Variants in PDLIM5 observed in about 807,000 individuals in gnomAD.
The protein encoded by PDLIM5 is PDZ and LIM domain protein 5.
In PDLIM5, 34 loss-of-function variants were observed where a neutral mutation model predicts 64.2. That is an observed-to-expected ratio of 0.53 (90% confidence interval 0.40 to 0.71). PDLIM5 has a LOEUF of 0.71. PDLIM5 is among the 30% of genes least tolerant of loss of function. PDLIM5 has a pLI of 0.00. For missense variants in PDLIM5, 683 were observed against 733.6 expected (o/e 0.93, Z 0.80); for synonymous variants, 253 against 269.1 (o/e 0.94, Z 0.59).
At chr4:94,644,682 C>T (rs546763791) in intron 9 of PDLIM5, among the ~76,000 whole-genome samples, 2 of 152,216 alleles carry the variant, frequency 1.3e-5, no homozygotes, top group East Asian at 3.9e-4. Flanking sequence ...GCCAGGACTA[C>T]AGGCACCTGC....
intron 3 of PDLIM5, among the ~76,000 whole-genome samples, chr4:94,539,005 T>C (rs1443262092): frequency 6.6e-6 from 1 of 152,154 alleles, no homozygotes; most frequent in Non-Finnish European, 1.5e-5. Context: ...AGGACAGTGA[T>C]AAAGTTTGCT....
At chr4:94,659,917 G>A (rs185891657) in intron 11 of PDLIM5, among the ~76,000 whole-genome samples, 1,700 of 136,604 alleles carry the variant, frequency 0.012, 34 homozygotes, top group African/African-American at 0.044. Flanking sequence ...TTTTTTTTGA[G>A]ATGGAGTCTC....
chr4:94,587,035 C>T (rs1460554417), intron 7 of PDLIM5: 6 of 1,591,392 alleles, frequency 3.8e-6, no homozygotes, highest in Non-Finnish European at 5.1e-6. Context: ...CACAAAATTA[C>T]GTGACTGGCA....
intron 2 of PDLIM5, chr4:94,457,145 G>T (rs969442537): frequency 6.3e-6 from 6 of 955,446 alleles, no homozygotes; most frequent in Non-Finnish European, 6.2e-6. Flanking sequence ...AAATAAGTTT[G>T]TAACGCCTAA....
intron 2 of PDLIM5, among the ~76,000 whole-genome samples, chr4:94,506,492 C>T (rs1037930451): frequency 1.3e-5 from 2 of 152,158 alleles, no homozygotes; most frequent in Admixed American, 1.3e-4. Flanking sequence ...CTGTGCCTCA[C>T]ATGGAGGAAG....
chr4:94,568,475 T>A (rs1323610991), intron 3 of PDLIM5, among the ~76,000 whole-genome samples: 1 of 152,232 alleles, frequency 6.6e-6, no homozygotes, highest in Non-Finnish European at 1.5e-5. Context: ...ACTCTTAAAT[T>A]TGAAATTTCT....
At chr4:94,642,400 C>T (rs528399950) in intron 9 of PDLIM5, among the ~76,000 whole-genome samples, 1 of 152,266 alleles carries the variant, frequency 6.6e-6, no homozygotes, top group African/African-American at 2.4e-5. Context: ...AATTACATTT[C>T]ACCACCCCTA....
intron 8 of PDLIM5, among the ~76,000 whole-genome samples, chr4:94,627,798 G>A (rs1335463351): frequency 6.6e-6 from 1 of 152,180 alleles, no homozygotes; most frequent in Non-Finnish European, 1.5e-5. Context: ...ATTCTGCATG[G>A]TTAGTTGCAG....
At chr4:94,606,328 T>A (rs890751428) in intron 7 of PDLIM5, among the ~76,000 whole-genome samples, 1 of 152,144 alleles carries the variant, frequency 6.6e-6, no homozygotes, top group Admixed American at 6.5e-5. Flanking sequence ...TGACAGCACA[T>A]GACAGGGGCA....
intron 8 of PDLIM5, among the ~76,000 whole-genome samples, chr4:94,636,723 G>T (rs995511452): frequency 3.9e-5 from 6 of 151,992 alleles, no homozygotes; most frequent in Non-Finnish European, 8.8e-5. Context: ...TTTTAGTAGA[G>T]ACGGGGTTTC....
In PDLIM5 at chr4:94,455,227, C is replaced by A; in HGVS notation, c.-42-20C>A. The A allele has an allele frequency of 2.1e-6, 2 of 960,470 alleles. No individual in the cohort carries two copies. The highest frequency in any genetic ancestry group is 1.4e-5 in the South Asian group (1 of 71,288). 59.5% of individuals were successfully genotyped at this position (960,470 alleles called of 1,614,324 possible). On this transcript the variant is annotated intron_variant, in intron 1 of 12. Coordinates refer to ENST00000317968, the MANE Select transcript of PDLIM5 (RefSeq NM_006457.5). Reference sequence around the variant, plus strand: ...GTTTCAAGTAAACATTTTTGCTAATCATCTGATTTTCTTTCACAGCATATT... The same window carrying A: ...GTTTCAAGTAAACATTTTTGCTAATAATCTGATTTTCTTTCACAGCATATT...
intron 2 of PDLIM5, among the ~76,000 whole-genome samples, chr4:94,507,854 A>C (rs746239988): frequency 1.2e-4 from 18 of 152,218 alleles, no homozygotes; most frequent in Non-Finnish European, 2.1e-4. Context: ...ATCAGCAGAC[A>C]GTGTGCTGGA....
chr4:94,512,070 G>C (rs774985), intron 2 of PDLIM5, among the ~76,000 whole-genome samples: 63,738 of 151,438 alleles, frequency 0.42, 15,823 homozygotes, highest in South Asian at 0.72. Context: ...ACCTAGGCTG[G>C]AGTGCAGTGG....
At chr4:94,463,866 T>C (rs553318245) in intron 2 of PDLIM5, among the ~76,000 whole-genome samples, 1 of 152,340 alleles carries the variant, frequency 6.6e-6, no homozygotes, top group South Asian at 2.1e-4. Context: ...GTTTTTATTA[T>C]CAACCTTTAT....
At chr4:94,663,570 A>T (rs559850537) in intron 12 of PDLIM5, among the ~76,000 whole-genome samples, 3 of 152,324 alleles carry the variant, frequency 2.0e-5, no homozygotes, top group Admixed American at 2.0e-4. Context: ...CAGCAAGCTA[A>T]TGTTGGGCTT....
intron 5 of PDLIM5, chr4:94,577,121 C>T (rs979939405): frequency 4.5e-6 from 2 of 441,754 alleles, no homozygotes; most frequent in Non-Finnish European, 9.0e-6. Context: ...TATGTAAAAT[C>T]ATTTTTATCA....
chr4:94,560,798 C>T (rs1733767881), intron 3 of PDLIM5, among the ~76,000 whole-genome samples: 1 of 152,150 alleles, frequency 6.6e-6, no homozygotes, highest in Admixed American at 6.5e-5. Context: ...ACAATCTTGG[C>T]TTACTGCATG....
chr4:94,579,458 G>A, intron 5 of PDLIM5: 2 of 793,070 alleles, frequency 2.5e-6, no homozygotes, highest in Non-Finnish European at 4.0e-6. Context: ...GAAGAACCTG[G>A]CCTTGGAAGA....
At chr4:94,639,065 C>T (rs959983147) in intron 8 of PDLIM5, among the ~76,000 whole-genome samples, 2 of 151,972 alleles carry the variant, frequency 1.3e-5, no homozygotes, top group African/African-American at 4.8e-5. Context: ...TTGGAGTAGT[C>T]GACTTCTGGG....
Sources: gnomAD v4.1 joint callset for allele counts (sites outside exome capture counted in the v4.1 genomes callset) on GRCh38, gnomAD v4.1.1 for gene constraint, MANE v1.5 for transcripts, NCBI Gene and HGNC (gene_info 2026-07-23, HGNC 2026-07-21) for gene names.